INSL6: variants seen among roughly 807,000 people sequenced by gnomAD.
INSL6 encodes insulin like 6, also known as insulin-like peptide INSL6.
Under a neutral mutation model 9.4 loss-of-function variants are expected in INSL6, and 16 were observed. The ratio of observed to expected loss-of-function variants is 1.70; its 90% confidence interval spans 1.15 to 2.59. The LOEUF is 2.59. INSL6 is among the 30% of genes most tolerant of loss of function. INSL6 has a pLI of 0.00. For synonymous variants in INSL6, 154 were observed against 96.9 expected, an observed-to-expected ratio of 1.59 and a Z score of -3.46; for missense variants, 391 against 257.3, an observed-to-expected ratio of 1.52 and a Z score of -3.56.
intron 2 of INSL6, among the ~76,000 whole-genome samples, chr9:5,147,068 A>G (rs757269174): frequency 6.6e-6 from 1 of 152,166 alleles, no homozygotes; most frequent in Non-Finnish European, 1.5e-5. Flanking sequence ...GAGCAAGCCA[A>G]GCCTAGAGGG....
chr9:5,123,987 C>G (rs2130856708), exon 4 of INSL6, among the ~76,000 whole-genome samples: 1 of 151,308 alleles, frequency 6.6e-6, no homozygotes, highest in African/African-American at 2.4e-5. Context: ...TTTCATATGC[C>G]TCTTGTCAGT....
chr9:5,040,696 A>C, the INSL6 span, among the ~76,000 whole-genome samples: 18 of 152,400 alleles, frequency 1.2e-4, no homozygotes, highest in African/African-American at 4.1e-4. Flanking sequence ...AAATGGCCAA[A>C]AAGCATGTAA....
At chr9:5,152,805 C>A (rs951897238) in intron 2 of INSL6, among the ~76,000 whole-genome samples, 13 of 152,176 alleles carry the variant, frequency 8.5e-5, no homozygotes, top group Admixed American at 6.5e-5. Flanking sequence ...CCAGCAAGAT[C>A]GACGCAGAAG....
the INSL6 span, chr9:5,041,053 T>C: frequency 1.0e-5 from 7 of 685,374 alleles, no homozygotes; most frequent in East Asian, 5.8e-5. Flanking sequence ...CTCAGCGCCA[T>C]AGAGGGCGTC....
the INSL6 span, chr9:5,086,010 ATACTATATACATTT>A: frequency 1.2e-6 from 1 of 822,674 alleles, no homozygotes; most frequent in Admixed American, 1.7e-5. Context: ...AAACTGTGAT[ATACTATATACATTT>A]GGACAGGCAG....
the INSL6 span, among the ~76,000 whole-genome samples, chr9:5,013,337 T>C: frequency 6.6e-6 from 1 of 152,350 alleles, no homozygotes; most frequent in Admixed American, 6.5e-5. Context: ...ACATAGTATA[T>C]CTACTTGGAC....
At chr9:5,038,917 C>T in the INSL6 span, among the ~76,000 whole-genome samples, 1 of 151,990 alleles carries the variant, frequency 6.6e-6, no homozygotes, top group African/African-American at 2.4e-5. Context: ...ACATGATCAT[C>T]CCAAGAGACA....
intron 2 of INSL6, among the ~76,000 whole-genome samples, chr9:5,152,294 C>T (rs188720864): frequency 2.7e-4 from 41 of 152,088 alleles, no homozygotes; most frequent in African/African-American, 9.2e-4. Flanking sequence ...GTTTCATGCA[C>T]ACATGGAATA....
chr9:5,068,903 G>C, the INSL6 span: 1 of 601,068 alleles, frequency 1.7e-6, no homozygotes, highest in African/African-American at 1.9e-5. Context: ...GCACTACATC[G>C]GATTCATGGT....
chr9:5,132,855 T>A (rs1586854189), intron 3 of INSL6: 1 of 152,192 alleles, frequency 6.6e-6, no homozygotes, highest in African/African-American at 2.4e-5. Flanking sequence ...CTGTTAAACA[T>A]TCAGACAAAA....
At chr9:5,135,330 C>T (rs936096428) in intron 2 of INSL6, among the ~76,000 whole-genome samples, 9 of 151,692 alleles carry the variant, frequency 5.9e-5, no homozygotes, top group African/African-American at 1.9e-4. Flanking sequence ...CTGGACCAAG[C>T]AGACCTAACA....
At chr9:5,140,947 T>C (rs1008157843) in intron 2 of INSL6, among the ~76,000 whole-genome samples, 1 of 152,136 alleles carries the variant, frequency 6.6e-6, no homozygotes, top group Non-Finnish European at 1.5e-5. Context: ...CACTTATAAC[T>C]GAGAACATGC....
At chr9:5,072,414 C>A in the INSL6 span, 1 of 1,086,804 alleles carries the variant, frequency 9.2e-7, no homozygotes, top group South Asian at 2.5e-5. Flanking sequence ...AAAATTCTTC[C>A]TCATTGAATG....
the INSL6 span, among the ~76,000 whole-genome samples, chr9:5,023,889 G>T: frequency 3.3e-5 from 5 of 149,518 alleles, no homozygotes; most frequent in East Asian, 9.6e-4. Context: ...ATTTTAGCTT[G>T]TAAGATTTTT....
intron 2 of INSL6, among the ~76,000 whole-genome samples, chr9:5,135,288 T>A (rs1364293756): frequency 6.6e-6 from 1 of 151,600 alleles, no homozygotes; most frequent in Non-Finnish European, 1.5e-5. Flanking sequence ...AGACAGAAAA[T>A]TAACAAGGAT....
the INSL6 span, among the ~76,000 whole-genome samples, chr9:5,045,714 C>G: frequency 6.6e-6 from 1 of 152,142 alleles, no homozygotes; most frequent in African/African-American, 2.4e-5. Flanking sequence ...TAATGTCTGT[C>G]AGGTTCATCC....
chr9:5,050,134 A>G, the INSL6 span, among the ~76,000 whole-genome samples: 1 of 152,238 alleles, frequency 6.6e-6, no homozygotes, highest in Admixed American at 6.5e-5. Context: ...ATTTTTATGT[A>G]GAAGATATAA....
chr9:5,054,881 A>T, the INSL6 span: 5 of 1,584,028 alleles, frequency 3.2e-6, no homozygotes, highest in Non-Finnish European at 4.3e-6. The surrounding 1 kb of genome is among the most constrained non-coding windows in gnomAD (Gnocchi z 4.9). Flanking sequence ...CACTGACAGA[A>T]CAGGTAATCC....
At chr9:5,166,435 G>C (rs1197628597) in intron 1 of INSL6, among the ~76,000 whole-genome samples, 1 of 151,832 alleles carries the variant, frequency 6.6e-6, no homozygotes, top group Non-Finnish European at 1.5e-5. Context: ...GAATAAGATA[G>C]AACTCTATCC....
Sources: gnomAD v4.1 joint callset for allele counts (sites outside exome capture counted in the v4.1 genomes callset) on GRCh38, gnomAD v4.1.1 for gene constraint, Gnocchi (gnomAD v3.1) non-coding constraint, MANE v1.5 for transcripts, NCBI Gene and HGNC (gene_info 2026-07-23, HGNC 2026-07-21) for gene names.